Variants in PUM1 observed in about 807,000 individuals in gnomAD.
The protein encoded by PUM1 is pumilio RNA binding family member 1.
Under a neutral mutation model 131.8 loss-of-function variants are expected in PUM1, and 13 were observed. The observed-to-expected ratio is 0.10, with a 90% CI of 0.06 to 0.16. The LOEUF is 0.16. Ranked by LOEUF, PUM1 falls within the 10% of genes least tolerant of loss-of-function variation. The pLI, the probability that PUM1 is intolerant of heterozygous loss-of-function variation, is 1.00. For synonymous variants in PUM1, 509 were observed against 556.5 expected (o/e 0.91, Z 1.20); for missense variants, 961 against 1,512.4 (o/e 0.64, Z 6.05).
Position 30,952,651 on chromosome 1 carries a change from C to T in PUM1, c.2592-288G>A, listed in dbSNP as rs188217283. 1.6e-3 allele frequency among the ~76,000 whole-genome samples: 150 copies of T among 94,376 alleles called. 2 individuals are homozygous for T. The highest frequency in any genetic ancestry group is 2.3e-3 in the Non-Finnish European group (114 of 49,636). The allele number at this position is 94,376 out of a possible 152,430, so 61.9% of individuals were successfully genotyped here. A position where few individuals can be genotyped will look rare whatever the true frequency, so the allele number is the denominator to read the frequency against. On this transcript the variant is annotated intron_variant, in intron 15 of 21. Transcript: ENST00000426105. ...ATGCATACTGAATCTTATTTATGTGCAAGGTGGGAGGGAAGATGAAAGCGG... is the reference window on the plus strand; with the variant it reads ...ATGCATACTGAATCTTATTTATGTGTAAGGTGGGAGGGAAGATGAAAGCGG...
chr1:30,957,984 T>A (rs1015400774), intron 14 of PUM1, among the ~76,000 whole-genome samples: 1 of 152,264 alleles, frequency 6.6e-6, no homozygotes, highest in Non-Finnish European at 1.5e-5. Flanking sequence ...GTCACATGGT[T>A]GGTTTTACAG....
intron 2 of PUM1, among the ~76,000 whole-genome samples, chr1:31,045,579 G>A (rs574900629): frequency 6.6e-6 from 1 of 152,122 alleles, no homozygotes; most frequent in South Asian, 2.1e-4. Context: ...GACCCCATCT[G>A]TACAAGATGA....
At chr1:30,963,923 G>A (rs1207869354) in intron 14 of PUM1, among the ~76,000 whole-genome samples, 1 of 152,110 alleles carries the variant, frequency 6.6e-6, no homozygotes, top group Non-Finnish European at 1.5e-5. Context: ...ATACATAACT[G>A]CGGGAGAGGA....
At chr1:30,946,149 G>A (rs1639656888) in intron 17 of PUM1, among the ~76,000 whole-genome samples, 1 of 151,942 alleles carries the variant, frequency 6.6e-6, no homozygotes, top group Non-Finnish European at 1.5e-5. Context: ...CCTACATCAG[G>A]AACAGATACT....
intron 3 of PUM1, among the ~76,000 whole-genome samples, chr1:31,022,961 G>A (rs1004005920): frequency 6.6e-6 from 1 of 151,976 alleles, no homozygotes; most frequent in Non-Finnish European, 1.5e-5. Flanking sequence ...TGGAAGTCAC[G>A]AGTTTGAGAC....
At chr1:31,057,447 G>GA (rs1213593928) in intron 2 of PUM1, among the ~76,000 whole-genome samples, 2 of 147,944 alleles carry the variant, frequency 1.4e-5, no homozygotes, top group African/African-American at 5.0e-5. Context: ...AAAAAGGGCT[G>GA]GGCATGGTGG....
intron 3 of PUM1, among the ~76,000 whole-genome samples, chr1:31,018,536 T>C (rs946835010): frequency 6.6e-6 from 1 of 151,884 alleles, no homozygotes; most frequent in African/African-American, 2.4e-5. Flanking sequence ...CATGCACCCG[T>C]AGTCCCTGCT....
Position 31,007,017 on chromosome 1 carries a change from C to T in PUM1, c.518G>A (p.Arg173Gln). 1.9e-6 allele frequency: 3 copies of T among 1,613,794 alleles called. No homozygotes were observed. The highest frequency in any genetic ancestry group is 1.7e-6 in the Non-Finnish European group (2 of 1,179,756). Reference protein sequence around the residue: ...PKGIFLGDQWRDSAWGTSDHS... With the variant: ...PKGIFLGDQWQDSAWGTSDHS... ...ACCTGATGTTCCCCAGGCACTGTCTCGCCATTGATCACCCAGGAATATTCC... is the reference window on the plus strand; with the variant it reads ...ACCTGATGTTCCCCAGGCACTGTCTTGCCATTGATCACCCAGGAATATTCC... The change falls in exon 4 of 22, where the codon CGA becomes CAA. Residue 173 changes from arginine to glutamine, a missense_variant. By Grantham distance (43) the Arg-to-Gln change is conservative. Transcript: ENST00000426105.
chr1:30,958,936 A>T (rs1640287800), intron 14 of PUM1, among the ~76,000 whole-genome samples: 1 of 152,202 alleles, frequency 6.6e-6, no homozygotes, highest in South Asian at 2.1e-4. Flanking sequence ...GTATATATGC[A>T]TGTATGGGGA....
At chr1:31,061,788 T>C (rs1034496780) in intron 1 of PUM1, 2 of 149,116 alleles carry the variant, frequency 1.3e-5, no homozygotes, top group Middle Eastern at 3.9e-3. Context: ...GCAAGACCTA[T>C]CTCTACTAAA....
At position 30,987,509 on chromosome 1, in the gene PUM1, AT is replaced by A. The variant is rs537632636; in HGVS notation, c.1158+4880del. Among the ~76,000 whole-genome samples, 3 of 152,178 alleles carry A rather than the reference AT, an allele frequency of 2.0e-5. No homozygotes were observed. In the South Asian group the frequency reaches 6.2e-4, roughly 32 times the overall value. The stretch of plus-strand genomic sequence containing the variant: ...CGCGCCTAGCCAAAACCTAGTAATA[AT>A]TTTCTAAACTGCATTTAAGGAAACA... On this transcript the variant is annotated intron_variant, in intron 7 of 21. Coordinates refer to ENST00000426105, the MANE Select transcript of PUM1 (RefSeq NM_001020658.2).
intron 3 of PUM1, among the ~76,000 whole-genome samples, chr1:31,012,388 AATAAATAG>A (rs1408636647): frequency 3.3e-5 from 5 of 152,120 alleles, no homozygotes; most frequent in Non-Finnish European, 7.4e-5. Flanking sequence ...CCAGCAATAA[AATAAATAG>A]ACCTTGTACT....
At chr1:31,054,569 T>C (rs368516053) in intron 2 of PUM1, among the ~76,000 whole-genome samples, 1 of 143,644 alleles carries the variant, frequency 7.0e-6, no homozygotes, top group South Asian at 2.2e-4. Context: ...GGCCCAGTGG[T>C]AGGGTAGAAT....
intron 3 of PUM1, among the ~76,000 whole-genome samples, chr1:31,011,303 T>C (rs1642611711): frequency 1.3e-5 from 2 of 152,226 alleles, no homozygotes; most frequent in South Asian, 4.1e-4. Context: ...GAAACACTTC[T>C]TTAGGAGTCT....
At chr1:30,991,814 T>A (rs565118295) in intron 7 of PUM1, among the ~76,000 whole-genome samples, 1 of 152,226 alleles carries the variant, frequency 6.6e-6, no homozygotes. Context: ...CAGGGACTTA[T>A]GAATTTAAAA....
At chr1:31,004,808 C>T (rs1642341505) in intron 5 of PUM1, among the ~76,000 whole-genome samples, 1 of 152,172 alleles carries the variant, frequency 6.6e-6, no homozygotes, top group Admixed American at 6.5e-5. Flanking sequence ...CTAAGAAATA[C>T]TGAGCAACAA....
chr1:31,053,022 T>C (rs1473742977), intron 2 of PUM1, among the ~76,000 whole-genome samples: 1 of 150,136 alleles, frequency 6.7e-6, no homozygotes, highest in Admixed American at 6.6e-5. Flanking sequence ...ATCATCTTTT[T>C]TTTTTTTTGA....
chr1:31,030,667 C>T (rs150019985), intron 2 of PUM1, among the ~76,000 whole-genome samples: 4 of 151,708 alleles, frequency 2.6e-5, no homozygotes, highest in Non-Finnish European at 4.4e-5. Flanking sequence ...GCAGAAATCA[C>T]GCCACTACAC....
chr1:31,038,976 A>ATTTTTTTTTTT (rs1276496237), intron 2 of PUM1, among the ~76,000 whole-genome samples: 2 of 30,888 alleles, frequency 6.5e-5, no homozygotes, highest in African/African-American at 5.5e-4. Flanking sequence ...ATATATATAT[A>ATTTTTTTTTTT]TATATATATT....
Sources: allele counts gnomAD v4.1 joint callset (sites outside exome capture counted in the v4.1 genomes callset), GRCh38; gene constraint gnomAD v4.1.1; transcripts MANE v1.5; gene names NCBI Gene and HGNC (gene_info 2026-07-23, HGNC 2026-07-21).